The following SMYD3 variants were observed in gnomAD, a reference collection of about 807,000 sequenced individuals.
SMYD3 encodes the protein histone-lysine N-methyltransferase SMYD3.
A neutral mutation model predicts 57.7 loss-of-function variants in SMYD3; 36 were observed. The ratio of observed to expected loss-of-function variants is 0.62; its 90% CI spans 0.48 to 0.82. The LOEUF (loss-of-function observed/expected upper bound fraction) is 0.82. SMYD3 is among the 40% of genes least tolerant of loss of function. The probability of loss-of-function intolerance (pLI) is 0.00; values close to 1 mark genes in which losing one functional copy is unlikely to be tolerated. For missense variants in SMYD3, 515 were observed against 538.8 expected, an observed-to-expected ratio of 0.96 and a Z score of 0.44; for synonymous variants, 211 against 195.0, an observed-to-expected ratio of 1.08 and a Z score of -0.68.
At chr1:246,192,584 C>A (rs943289092) in intron 5 of SMYD3, among the ~76,000 whole-genome samples, 1 of 152,024 alleles carries the variant, frequency 6.6e-6, no homozygotes, top group South Asian at 2.1e-4. Context: ...AGCCAAGATT[C>A]GCAGTTAATG....
intron 5 of SMYD3, among the ~76,000 whole-genome samples, chr1:246,238,626 A>C (rs944480944): frequency 6.6e-6 from 1 of 152,154 alleles, no homozygotes; most frequent in Non-Finnish European, 1.5e-5. Context: ...CCCAAGAGTC[A>C]AGCAGATTTC....
Position 246,083,226 on chromosome 1 carries a change from G to A in SMYD3, c.532-153289C>T, listed in dbSNP as rs190334690. On this transcript the variant is annotated intron_variant, in intron 5 of 11. Transcript: ENST00000490107. ...AATGGAATGTCTCCGTGTAAAACCC[G>A]ATTGTATATTCCATCTACTGAGACA... Among the ~76,000 whole-genome samples the A allele has an allele frequency of 1.2e-3, 171 of 145,830 alleles. 3 individuals carry two copies. The highest frequency in any genetic ancestry group is 3.4e-3 in the African/African-American group (137 of 40,270).
At chr1:246,148,276 G>A (rs2061888773) in intron 5 of SMYD3, among the ~76,000 whole-genome samples, 1 of 152,142 alleles carries the variant, frequency 6.6e-6, no homozygotes, top group African/African-American at 2.4e-5. Context: ...CAGCTACAGA[G>A]AGGAGCTGCC....
At chr1:246,403,843 GAAAT>G (rs2066814977) in intron 1 of SMYD3, among the ~76,000 whole-genome samples, 1 of 152,116 alleles carries the variant, frequency 6.6e-6, no homozygotes, top group African/African-American at 2.4e-5. Context: ...CAAAAAACAA[GAAAT>G]ATATATCCGT....
At chr1:246,048,950 T>C (rs1182359072) in intron 5 of SMYD3, among the ~76,000 whole-genome samples, 5 of 152,148 alleles carry the variant, frequency 3.3e-5, no homozygotes, top group South Asian at 2.1e-4. Context: ...CAGGAGGCGA[T>C]AGTTATTAAT....
chr1:246,106,817 T>C (rs182460804), intron 5 of SMYD3, among the ~76,000 whole-genome samples: 2 of 152,260 alleles, frequency 1.3e-5, no homozygotes, highest in Admixed American at 1.3e-4. Flanking sequence ...TTCTGTCTTA[T>C]GACAGAAAAC....
At chr1:245,998,664 G>A (rs1224893564) in intron 5 of SMYD3, among the ~76,000 whole-genome samples, 1 of 152,122 alleles carries the variant, frequency 6.6e-6, no homozygotes, top group East Asian at 1.9e-4. Context: ...CTCGGTATAT[G>A]CCCAAAGCAA....
At chr1:245,809,178 G>A (rs1364914645) in intron 10 of SMYD3, among the ~76,000 whole-genome samples, 1 of 152,092 alleles carries the variant, frequency 6.6e-6, no homozygotes. Flanking sequence ...AACAAGTATG[G>A]GCCTTGTTAT....
intron 5 of SMYD3, among the ~76,000 whole-genome samples, chr1:246,266,520 G>C (rs2064110792): frequency 6.6e-6 from 1 of 152,148 alleles, no homozygotes; most frequent in African/African-American, 2.4e-5. Context: ...CTCAGTAAAA[G>C]TATGTTGAAT....
intron 5 of SMYD3, among the ~76,000 whole-genome samples, chr1:245,981,623 G>T (rs1332544266): frequency 6.6e-6 from 1 of 152,088 alleles, no homozygotes; most frequent in African/African-American, 2.4e-5. Flanking sequence ...GTGAAAAAAA[G>T]ATTTTTAGAT....
intron 7 of SMYD3, among the ~76,000 whole-genome samples, chr1:245,920,316 A>AGG (rs2147798655): frequency 2.1e-4 from 1 of 4,664 alleles, no homozygotes; most frequent in East Asian, 1.1e-3. Flanking sequence ...CCGTCTCAAA[A>AGG]AAAAAAAAAA....
intron 5 of SMYD3, among the ~76,000 whole-genome samples, chr1:246,144,237 C>A (rs2061808194): frequency 6.6e-6 from 1 of 151,590 alleles, no homozygotes; most frequent in African/African-American, 2.4e-5. Context: ...CCAATGTCTT[C>A]TCTTACTCAT....
chr1:246,433,660 G>A (rs187072300), intron 1 of SMYD3, among the ~76,000 whole-genome samples: 19 of 152,122 alleles, frequency 1.2e-4, no homozygotes, highest in East Asian at 9.7e-4. Context: ...GGCTGGCTCC[G>A]TCTCGAAAAA....
At chr1:246,340,617 T>C (rs1174409641) in intron 2 of SMYD3, among the ~76,000 whole-genome samples, 4 of 152,174 alleles carry the variant, frequency 2.6e-5, no homozygotes, top group Non-Finnish European at 5.9e-5. Flanking sequence ...GCCTTGTTAG[T>C]AGAGTTGTAG....
In SMYD3 at chr1:245,955,189, T is replaced by C. The variant is rs183581003; in HGVS notation, c.532-25252A>G. ...TCACTGCAAGTTCCGCCTCCCGGGT[T>C]CACGCCATTCTCCTGCCTCAGCCTC... On this transcript the variant is annotated intron_variant, in intron 5 of 11. Coordinates refer to ENST00000490107, the MANE Select transcript of SMYD3 (RefSeq NM_001167740.2). 2.8e-3 allele frequency among the ~76,000 whole-genome samples: 423 copies of C among 152,326 alleles called. 1 individual carries two copies. The highest frequency in any genetic ancestry group is 4.8e-3 in the Non-Finnish European group (325 of 68,036).
chr1:245,966,767 G>A (rs920179226), intron 5 of SMYD3, among the ~76,000 whole-genome samples: 2 of 152,134 alleles, frequency 1.3e-5, no homozygotes, highest in South Asian at 2.1e-4. Context: ...CCCCTCTCCA[G>A]AAACCGTCAC....
rs377435664 is a variant in SMYD3, at chr1:245,993,951, A to G, written c.532-64014T>C. ...AAGAAGACATTAAACTACAATATCC[A>G]ATATTCCATCCAGGGGCTTCCTCAA... On this transcript the variant is annotated intron_variant, in intron 5 of 11. Transcript: ENST00000490107. 4.6e-5 allele frequency among the ~76,000 whole-genome samples: 7 copies of G among 152,334 alleles called. No homozygotes were observed. The East Asian group carries it at 7.7e-4, about 17-fold the overall frequency.
intron 5 of SMYD3, among the ~76,000 whole-genome samples, chr1:245,940,787 C>T (rs58996389): frequency 2.0e-4 from 31 of 152,288 alleles, no homozygotes; most frequent in African/African-American, 7.2e-4. Context: ...ATCTCTCCAG[C>T]AAGGGCACAG....
At chr1:246,307,161 C>T (rs2064992840) in intron 5 of SMYD3, among the ~76,000 whole-genome samples, 1 of 152,162 alleles carries the variant, frequency 6.6e-6, no homozygotes, top group Admixed American at 6.5e-5. Context: ...TTTCTAATTG[C>T]TGTATTTAGT....
Sources: allele counts gnomAD v4.1 joint callset (sites outside exome capture counted in the v4.1 genomes callset), GRCh38; gene constraint gnomAD v4.1.1; transcripts MANE v1.5; gene names NCBI Gene and HGNC (gene_info 2026-07-23, HGNC 2026-07-21).